Variants in TBCK observed in about 807,000 individuals in gnomAD.
TBCK encodes the protein TBC1 domain containing kinase.
Under a neutral mutation model 113.4 loss-of-function variants are expected in TBCK, and 99 were observed. That is an observed-to-expected ratio of 0.87 (90% CI 0.74 to 1.03). The LOEUF is 1.03. Among genes scored for constraint, TBCK ranks in the 50% least tolerant of loss-of-function variants. The pLI is 0.00. For synonymous variants in TBCK, 369 were observed against 370.8 expected, an observed-to-expected ratio of 1.00 and a Z score of 0.05; for missense variants, 1,045 against 1,061.3, an observed-to-expected ratio of 0.98 and a Z score of 0.21.
chr4:106,162,380 G>A (rs1031608220), intron 23 of TBCK, among the ~76,000 whole-genome samples: 2 of 152,126 alleles, frequency 1.3e-5, no homozygotes. Context: ...GATGCATAGT[G>A]CAAGCTGTTG....
intron 2 of TBCK, among the ~76,000 whole-genome samples, chr4:106,307,806 C>T (rs965895125): frequency 8.6e-5 from 13 of 151,972 alleles, no homozygotes; most frequent in Non-Finnish European, 1.3e-4. Context: ...AATATTGCCA[C>T]CATAAGAATC....
chr4:106,122,795 T>A (rs1744613458), intron 23 of TBCK, among the ~76,000 whole-genome samples: 1 of 152,158 alleles, frequency 6.6e-6, no homozygotes, highest in Admixed American at 6.5e-5. Flanking sequence ...TCTCAATAGA[T>A]GCAGAAAAAG....
rs561701678 is a variant in TBCK at position 106,189,766 on chromosome 4, T to C, written c.2059+3843A>G. 2.5e-4 allele frequency among the ~76,000 whole-genome samples: 38 copies of C among 152,286 alleles called. No individual in the cohort carries two copies. The South Asian group carries it at 7.7e-3, about 31-fold the overall frequency. ...AATACTGAAAAAATATCTCAACAAA[T>C]ATATTTTTAAAAATCTTTAATGTGG... is the stretch of plus-strand genomic sequence containing the variant. On this transcript the variant is annotated intron_variant, in intron 22 of 25. Transcript: ENST00000394708.
chr4:106,197,505 G>T (rs7442226), intron 20 of TBCK, among the ~76,000 whole-genome samples: 141,668 of 150,296 alleles, frequency 0.94, 67,027 homozygotes, highest in Non-Finnish European at 0.97. Context: ...ATGCCAAGAA[G>T]AGTTCATTTT....
At chr4:106,292,947 G>A (rs1283849701) in intron 3 of TBCK, among the ~76,000 whole-genome samples, 1 of 152,188 alleles carries the variant, frequency 6.6e-6, no homozygotes, top group Non-Finnish European at 1.5e-5. Flanking sequence ...TGGGATTTCT[G>A]ACATGTTTCA....
intron 25 of TBCK, among the ~76,000 whole-genome samples, chr4:106,078,347 A>AGT (rs1484622022): frequency 1.3e-5 from 2 of 152,180 alleles, no homozygotes; most frequent in Non-Finnish European, 1.5e-5. Flanking sequence ...TGCCCCCAAA[A>AGT]GTTGGTTCTT....
intron 25 of TBCK, among the ~76,000 whole-genome samples, chr4:106,067,275 C>T (rs1189884370): frequency 1.3e-5 from 2 of 152,080 alleles, no homozygotes; most frequent in Non-Finnish European, 2.9e-5. Context: ...ATTTGTATAT[C>T]TTCCTCAGAG....
At chr4:106,203,183 T>C (rs981663412) in intron 20 of TBCK, among the ~76,000 whole-genome samples, 1 of 151,914 alleles carries the variant, frequency 6.6e-6, no homozygotes. Flanking sequence ...AGAGACATAT[T>C]TGAAATACGG....
chr4:106,117,565 G>A (rs917252409), intron 23 of TBCK, among the ~76,000 whole-genome samples: 3 of 152,120 alleles, frequency 2.0e-5, no homozygotes, highest in African/African-American at 7.2e-5. Flanking sequence ...TTCAGACTAA[G>A]GGCTATTTAC....
intron 3 of TBCK, among the ~76,000 whole-genome samples, chr4:106,266,531 G>A (rs1763010061): frequency 6.6e-6 from 1 of 151,790 alleles, no homozygotes; most frequent in African/African-American, 2.4e-5. Flanking sequence ...TGCTAATTGT[G>A]AGCTATTAGA....
intron 15 of TBCK, among the ~76,000 whole-genome samples, chr4:106,234,064 G>C (rs776548159): frequency 3.9e-5 from 6 of 151,938 alleles, no homozygotes; most frequent in Non-Finnish European, 8.8e-5. Context: ...TTAAAATTTA[G>C]AAATAACTGA....
At chr4:106,224,456 T>C (rs1210859390) in intron 19 of TBCK, among the ~76,000 whole-genome samples, 1 of 152,118 alleles carries the variant, frequency 6.6e-6, no homozygotes, top group Non-Finnish European at 1.5e-5. Context: ...TTAGGATTTT[T>C]CCCAAAATTT....
chr4:106,144,161 T>A (rs535992319), intron 23 of TBCK, among the ~76,000 whole-genome samples: 1 of 152,300 alleles, frequency 6.6e-6, no homozygotes, highest in South Asian at 2.1e-4. Context: ...ATACATTTTT[T>A]AAAAATCCTG....
At chr4:106,058,379 G>A (rs1735669650) in intron 25 of TBCK, among the ~76,000 whole-genome samples, 1 of 151,614 alleles carries the variant, frequency 6.6e-6, no homozygotes, top group Admixed American at 6.6e-5. Context: ...AGGAAGCATG[G>A]GATTTATCTA....
chr4:106,268,483 C>T lies in TBCK; in HGVS notation c.267-6271G>A, dbSNP rs144644292. 2.6e-3 allele frequency among the ~76,000 whole-genome samples: 400 copies of T among 152,010 alleles called. 4 individuals are homozygous for T. The highest frequency in any genetic ancestry group is 8.2e-4 in the Non-Finnish European group (56 of 67,900). On this transcript the variant is annotated intron_variant, in intron 3 of 25. Coordinates refer to ENST00000394708, the MANE Select transcript of TBCK (RefSeq NM_001163435.3). ...TATAAAATAATATCACACAATGGTACAAGGGGGAAAGATAATTAAATTCTC... is the reference window on the plus strand; with the variant it reads ...TATAAAATAATATCACACAATGGTATAAGGGGGAAAGATAATTAAATTCTC...
intron 23 of TBCK, among the ~76,000 whole-genome samples, chr4:106,117,943 A>C (rs113405916): frequency 0.027 from 4,146 of 151,584 alleles, 185 homozygotes; most frequent in African/African-American, 0.095. Context: ...CGGGAGGCGG[A>C]GCTTGCAGTG....
At chr4:106,084,348 A>T (rs1739252260) in intron 25 of TBCK, among the ~76,000 whole-genome samples, 1 of 152,210 alleles carries the variant, frequency 6.6e-6, no homozygotes, top group Non-Finnish European at 1.5e-5. Flanking sequence ...GAGTTTGAAG[A>T]CCACCTTACT....
intron 23 of TBCK, among the ~76,000 whole-genome samples, chr4:106,131,004 C>A (rs1319509791): frequency 2.0e-5 from 3 of 152,092 alleles, no homozygotes; most frequent in African/African-American, 7.2e-5. Context: ...GGGTCCCCCC[C>A]AAATCTCACC....
At chr4:106,087,327 T>C (rs1412748705) in intron 25 of TBCK, among the ~76,000 whole-genome samples, 1 of 152,138 alleles carries the variant, frequency 6.6e-6, no homozygotes, top group African/African-American at 2.4e-5. Flanking sequence ...TGAACTCCCA[T>C]TGAAAATCAC....
Sources: allele counts gnomAD v4.1 joint callset (sites outside exome capture counted in the v4.1 genomes callset), GRCh38; gene constraint gnomAD v4.1.1; transcripts MANE v1.5; gene names NCBI Gene and HGNC (gene_info 2026-07-23, HGNC 2026-07-21).